The following STIM1 variants were observed in gnomAD, a reference collection of about 807,000 sequenced individuals.
STIM1 encodes the protein stromal interaction molecule 1.
Under a neutral mutation model 74.7 loss-of-function variants are expected in STIM1, and 25 were observed. The observed-to-expected ratio is 0.33, with a 90% CI of 0.24 to 0.47. The LOEUF (loss-of-function observed/expected upper bound fraction) is 0.47, where lower values mean the gene tolerates loss of function less well. Among genes scored for constraint, STIM1 ranks in the 20% least tolerant of loss-of-function variants. STIM1 has a pLI of 1.00. For missense variants in STIM1, 728 were observed against 920.8 expected, an observed-to-expected ratio of 0.79 and a Z score of 2.71; for synonymous variants, 328 against 348.8, an observed-to-expected ratio of 0.94 and a Z score of 0.66.
chr11:3,941,671 T>TAGAGAG (rs1372399472), intron 1 of STIM1, among the ~76,000 whole-genome samples: 71 of 76,134 alleles, frequency 9.3e-4, no homozygotes, highest in East Asian at 3.8e-3. Flanking sequence ...TATATATATA[T>TAGAGAG]ATAGAGAGAG....
chr11:3,900,965 C>T (rs1565107883), intron 1 of STIM1, among the ~76,000 whole-genome samples: 1 of 152,160 alleles, frequency 6.6e-6, no homozygotes, highest in Non-Finnish European at 1.5e-5. Context: ...CTGAGGCAGT[C>T]GGATCACTTG....
chr11:4,052,518 G>A (rs1590676077), intron 3 of STIM1, among the ~76,000 whole-genome samples: 1 of 152,190 alleles, frequency 6.6e-6, no homozygotes, highest in East Asian at 1.9e-4. Context: ...ATGGTGTTGG[G>A]AAAACTGGCT....
intron 1 of STIM1, among the ~76,000 whole-genome samples, chr11:3,909,395 A>G (rs2092522655): frequency 6.6e-6 from 1 of 152,178 alleles, no homozygotes; most frequent in Admixed American, 6.5e-5. Flanking sequence ...CCCAGGTACC[A>G]GTAACTTTGG....
chr11:4,045,928 A>ACGCCTG (rs2094189143), intron 3 of STIM1, among the ~76,000 whole-genome samples: 1 of 147,234 alleles, frequency 6.8e-6, no homozygotes, highest in South Asian at 2.2e-4. Context: ...CACCATGCCC[A>ACGCCTG]GCTAATTTTT....
At chr11:4,074,744 G>C (rs2094427589) in intron 7 of STIM1, 65 bp downstream of exon 7, 2 of 1,518,254 alleles carry the variant, frequency 1.3e-6, no homozygotes, top group Non-Finnish European at 8.9e-7. Flanking sequence ...CCCAGGGTCT[G>C]GCTAGAAAGT....
At chr11:3,948,886 G>A (rs2135652928) in intron 1 of STIM1, among the ~76,000 whole-genome samples, 1 of 152,280 alleles carries the variant, frequency 6.6e-6, no homozygotes, top group African/African-American at 2.4e-5. Flanking sequence ...AGACACGAAT[G>A]CAAATACCAA....
chr11:3,967,443 G>GTGCCTACATGAGGAGTCAGA, intron 1 of STIM1, 109 bp from the exon 2 acceptor site: 5 of 1,529,330 alleles, frequency 3.3e-6, no homozygotes, highest in Non-Finnish European at 4.5e-6. Context: ...AGCCAGTTAA[G>GTGCCTACATGAGGAGTCAGA]TGCCTACATG....
intron 3 of STIM1, among the ~76,000 whole-genome samples, chr11:4,046,922 G>A (rs1006255766): frequency 5.9e-5 from 9 of 152,130 alleles, no homozygotes; most frequent in African/African-American, 2.2e-4. Flanking sequence ...CAAAGTGCTG[G>A]GATTATAGGC....
chr11:4,057,853 G>A (rs2094302622), intron 4 of STIM1, among the ~76,000 whole-genome samples: 1 of 148,564 alleles, frequency 6.7e-6, no homozygotes. Context: ...CTAAGCGACA[G>A]AGCGAGACTC....
At chr11:3,971,668 A>G (rs550854365) in intron 2 of STIM1, among the ~76,000 whole-genome samples, 92 of 152,346 alleles carry the variant, frequency 6.0e-4, no homozygotes, top group African/African-American at 2.0e-3. Flanking sequence ...ACTGGAACCA[A>G]TGATCCCTTT....
At chr11:3,918,071 A>T (rs747585540) in intron 1 of STIM1, among the ~76,000 whole-genome samples, 1 of 152,170 alleles carries the variant, frequency 6.6e-6, no homozygotes, top group Non-Finnish European at 1.5e-5. Context: ...AGACACAGCT[A>T]GACACAGGGA....
At chr11:3,876,295 A>G (rs1173033751) in intron 1 of STIM1, among the ~76,000 whole-genome samples, 1 of 152,208 alleles carries the variant, frequency 6.6e-6, no homozygotes, top group Non-Finnish European at 1.5e-5. Flanking sequence ...AAATTAATGG[A>G]TAAACAGACC....
intron 1 of STIM1, among the ~76,000 whole-genome samples, chr11:3,915,334 C>G (rs10047431): frequency 6.6e-6 from 1 of 151,964 alleles, no homozygotes; most frequent in Non-Finnish European, 1.5e-5. Context: ...AAGCAATACA[C>G]CTGCCTCAGC....
intron 1 of STIM1, among the ~76,000 whole-genome samples, chr11:3,866,619 G>C (rs1247810136): frequency 6.6e-6 from 1 of 151,960 alleles, no homozygotes; most frequent in Non-Finnish European, 1.5e-5. Flanking sequence ...TAGAGACGGG[G>C]TTTCACCATG....
chr11:3,908,710 T>C (rs1433636320), intron 1 of STIM1, among the ~76,000 whole-genome samples: 1 of 152,128 alleles, frequency 6.6e-6, no homozygotes, highest in Non-Finnish European at 1.5e-5. Context: ...TAAAATGTTA[T>C]AGAAAGATGG....
At chr11:4,003,073 A>G (rs1172425340) in intron 2 of STIM1, among the ~76,000 whole-genome samples, 2 of 148,238 alleles carry the variant, frequency 1.3e-5, no homozygotes, top group African/African-American at 4.9e-5. Context: ...CAATAACAGG[A>G]TCTGAAATTG....
Position 4,024,479 on chromosome 11 carries a change from T to A in STIM1, c.385+492T>A, listed in dbSNP as rs16929495. Among the ~76,000 whole-genome samples the A allele has an allele frequency of 5.7e-3, 865 of 152,342 alleles. 9 individuals are homozygous for A. The highest frequency in any genetic ancestry group is 0.02 in the African/African-American group (828 of 41,570). On this transcript the variant is annotated intron_variant, in intron 3 of 12. Coordinates refer to ENST00000526596, the MANE Select transcript of STIM1 (RefSeq NM_001382567.1). ...TTTGGTTGAAAGCTCCTGAGTCTTC[T>A]TTTTTCCAGGTTAAGTAGCCCTACT...
intron 2 of STIM1, chr11:3,974,165 T>C: frequency 1.7e-6 from 1 of 576,504 alleles, no homozygotes; most frequent in Non-Finnish European, 3.1e-6. Flanking sequence ...CACTGGTCAT[T>C]TCAAAGCTCA....
intron 2 of STIM1, among the ~76,000 whole-genome samples, chr11:4,000,471 A>G (rs2093704522): frequency 6.6e-6 from 1 of 152,082 alleles, no homozygotes; most frequent in Non-Finnish European, 1.5e-5. Context: ...TACCCAGGCA[A>G]ACAGGGTCTG....
Sources: gnomAD v4.1 joint callset for allele counts (sites outside exome capture counted in the v4.1 genomes callset) on GRCh38, gnomAD v4.1.1 for gene constraint, MANE v1.5 for transcripts, NCBI Gene and HGNC (gene_info 2026-07-23, HGNC 2026-07-21) for gene names.